KCNIP4: variants seen among roughly 807,000 people sequenced by gnomAD.
The protein encoded by KCNIP4 is potassium voltage-gated channel interacting protein 4, also known as Kv channel-interacting protein 4.
KCNIP4 carries 12 observed loss-of-function variants against 34.0 expected under a neutral mutation model. The ratio of observed to expected loss-of-function variants is 0.35; its 90% CI spans 0.23 to 0.57. The LOEUF (loss-of-function observed/expected upper bound fraction) is 0.57. Among genes scored for constraint, KCNIP4 ranks in the 20% least tolerant of loss-of-function variants. KCNIP4 has a pLI of 0.83. For synonymous variants in KCNIP4, 124 were observed against 102.2 expected, an observed-to-expected ratio of 1.21 and a Z score of -1.29; for missense variants, 238 against 311.7, an observed-to-expected ratio of 0.76 and a Z score of 1.78.
chr4:21,190,450 C>T (rs1220461963), intron 1 of KCNIP4, among the ~76,000 whole-genome samples: 1 of 130,246 alleles, frequency 7.7e-6, no homozygotes, highest in African/African-American at 3.3e-5. Flanking sequence ...GTGTGCCACA[C>T]CTCCCTTACC....
chr4:21,895,301 T>C (rs895919752), intron 1 of KCNIP4, among the ~76,000 whole-genome samples: 44 of 152,282 alleles, frequency 2.9e-4, no homozygotes, highest in African/African-American at 9.9e-4. Context: ...TTTCTCTAGG[T>C]ATGTGATAAG....
intron 1 of KCNIP4, among the ~76,000 whole-genome samples, chr4:21,386,268 T>C (rs575182257): frequency 6.6e-6 from 1 of 152,284 alleles, no homozygotes; most frequent in Admixed American, 6.5e-5. Flanking sequence ...CTTTACTAAA[T>C]AGACATGAAG....
intron 1 of KCNIP4, among the ~76,000 whole-genome samples, chr4:20,930,879 T>C (rs1327944478): frequency 3.3e-5 from 5 of 149,422 alleles, no homozygotes; most frequent in Non-Finnish European, 7.4e-5. Context: ...GGTGAGAGTG[T>C]GGGGAAAAGG....
chr4:21,054,445 G>A (rs1439409926), intron 1 of KCNIP4, among the ~76,000 whole-genome samples: 1 of 151,768 alleles, frequency 6.6e-6, no homozygotes, highest in African/African-American at 2.4e-5. Context: ...CATGAACCTG[G>A]GAGGCAGAGG....
At chr4:21,112,529 A>G (rs1392601719) in intron 1 of KCNIP4, among the ~76,000 whole-genome samples, 1 of 152,220 alleles carries the variant, frequency 6.6e-6, no homozygotes, top group Non-Finnish European at 1.5e-5. Flanking sequence ...CAATAAGATG[A>G]AAATAACGAG....
At chr4:21,945,039 T>C (rs1348008636) in intron 1 of KCNIP4, among the ~76,000 whole-genome samples, 1 of 152,102 alleles carries the variant, frequency 6.6e-6, no homozygotes, top group Non-Finnish European at 1.5e-5. Context: ...AGAGAGGCTA[T>C]TAAGTAAAAA....
chr4:21,511,789 C>T (rs1734333718), intron 1 of KCNIP4, among the ~76,000 whole-genome samples: 1 of 152,172 alleles, frequency 6.6e-6, no homozygotes, highest in African/African-American at 2.4e-5. Context: ...ATAACTTGTG[C>T]ATAAGTCTCT....
intron 3 of KCNIP4, among the ~76,000 whole-genome samples, chr4:20,768,372 G>T (rs1475617373): frequency 6.6e-6 from 1 of 152,098 alleles, no homozygotes; most frequent in African/African-American, 2.4e-5. Flanking sequence ...GACTATGATC[G>T]CAGAAATTAA....
Position 20,979,399 on chromosome 4 carries a change from C to CTT in KCNIP4, c.62-96692_62-96691dup, listed in dbSNP as rs762394597. On this transcript the variant is annotated intron_variant, in intron 1 of 8. Coordinates refer to ENST00000382152, the MANE Select transcript of KCNIP4 (RefSeq NM_025221.6). ...TAGTATCTCTGCTTCCACTTTCTTT[C>CTT]TTTTTTTTTTTTTTTTTGAGATGGA... Among the ~76,000 whole-genome samples the CTT allele has an allele frequency of 5.8e-3, 771 of 133,278 alleles. 13 individuals carry two copies. Among genetic ancestry groups the CTT allele is most frequent in the East Asian group, 0.023 (109 of 4,644 alleles). The allele number at this position is 133,278 out of a possible 152,430, so 87.4% of individuals were successfully genotyped here. A position where few individuals can be genotyped will look rare whatever the true frequency, so the allele number is the denominator to read the frequency against.
intron 1 of KCNIP4, among the ~76,000 whole-genome samples, chr4:21,254,372 A>G (rs946780567): frequency 6.6e-6 from 1 of 152,104 alleles, no homozygotes; most frequent in Non-Finnish European, 1.5e-5. Context: ...TGAAGTACTG[A>G]GCATCTTATA....
At chr4:21,661,475 A>G (rs910604149) in intron 1 of KCNIP4, among the ~76,000 whole-genome samples, 5 of 152,146 alleles carry the variant, frequency 3.3e-5, no homozygotes, top group Non-Finnish European at 7.3e-5. Flanking sequence ...GCACCTGCTC[A>G]CTTGTGTGCT....
At chr4:21,785,679 C>T (rs1719863881) in intron 1 of KCNIP4, among the ~76,000 whole-genome samples, 1 of 152,150 alleles carries the variant, frequency 6.6e-6, no homozygotes, top group Non-Finnish European at 1.5e-5. Flanking sequence ...TAAGTATTCG[C>T]TAACCTATTC....
At chr4:21,823,249 T>C (rs1223890341) in intron 1 of KCNIP4, among the ~76,000 whole-genome samples, 2 of 152,090 alleles carry the variant, frequency 1.3e-5, no homozygotes, top group Non-Finnish European at 2.9e-5. Context: ...ATAGAAGGCA[T>C]ATTATCAATT....
In KCNIP4 at chr4:21,558,613, A is replaced by C. The variant is rs78428833; in HGVS notation, c.61+389958T>G. The stretch of plus-strand genomic sequence containing the variant: ...TTATACATTGCTAGTCTCATTAGAG[A>C]GTTCTGTCATATTAGGTGACACTAA... On this transcript the variant is annotated intron_variant, in intron 1 of 8. Transcript: ENST00000382152. Among the ~76,000 whole-genome samples, 1,057 of 152,274 alleles carry C rather than the reference A, an allele frequency of 6.9e-3. 15 individuals carry two copies. Among genetic ancestry groups the C allele is most frequent in the African/African-American group, 0.024 (998 of 41,546 alleles).
At chr4:21,913,718 A>G (rs901292115) in intron 1 of KCNIP4, among the ~76,000 whole-genome samples, 1 of 152,184 alleles carries the variant, frequency 6.6e-6, no homozygotes, top group Non-Finnish European at 1.5e-5. Flanking sequence ...TCGAATAAGC[A>G]TTACATGTTG....
intron 1 of KCNIP4, among the ~76,000 whole-genome samples, chr4:21,191,967 A>T (rs777956095): frequency 1.3e-5 from 2 of 152,138 alleles, no homozygotes; most frequent in Non-Finnish European, 2.9e-5. Flanking sequence ...TCCAGTAGAG[A>T]TCTTGATTCA....
chr4:20,852,242 G>T (rs1433447111), intron 2 of KCNIP4, among the ~76,000 whole-genome samples: 2 of 152,084 alleles, frequency 1.3e-5, no homozygotes, highest in Non-Finnish European at 2.9e-5. Flanking sequence ...ATACTCACTA[G>T]CTGAATCCAA....
chr4:21,113,446 C>G (rs373278838), intron 1 of KCNIP4, among the ~76,000 whole-genome samples: 1 of 35,582 alleles, frequency 2.8e-5, no homozygotes. Context: ...GTGCATCTAT[C>G]TATAAGTTTA....
intron 1 of KCNIP4, among the ~76,000 whole-genome samples, chr4:21,116,533 G>A (rs534711988): frequency 2.6e-5 from 4 of 152,280 alleles, no homozygotes; most frequent in African/African-American, 9.6e-5. Flanking sequence ...TAGCTTTTCT[G>A]TACTTTATGC....
Sources: gnomAD v4.1 joint callset for allele counts (sites outside exome capture counted in the v4.1 genomes callset) on GRCh38, gnomAD v4.1.1 for gene constraint, MANE v1.5 for transcripts, NCBI Gene and HGNC (gene_info 2026-07-23, HGNC 2026-07-21) for gene names.